PARD3: variants seen among roughly 807,000 people sequenced by gnomAD.
PARD3 encodes par-3 family cell polarity regulator, also known as partitioning defective 3 homolog.
A neutral mutation model predicts 155.4 loss-of-function variants in PARD3; 75 were observed. The ratio of observed to expected loss-of-function variants is 0.48; its 90% CI spans 0.40 to 0.58. The LOEUF is 0.58. Among genes scored for constraint, PARD3 ranks in the 20% least tolerant of loss-of-function variants. PARD3 has a pLI of 0.00. For missense variants in PARD3, 1,642 were observed against 1,721.7 expected (o/e 0.95, Z 0.82); for synonymous variants, 576 against 610.5 (o/e 0.94, Z 0.83).
At chr10:34,515,854 A>C (rs1328328156) in intron 3 of PARD3, among the ~76,000 whole-genome samples, 2 of 152,060 alleles carry the variant, frequency 1.3e-5, no homozygotes, top group Non-Finnish European at 2.9e-5. Context: ...ATTATTACCC[A>C]TCTGTTTATA....
At chr10:34,734,284 A>G (rs2045517294) in intron 1 of PARD3, among the ~76,000 whole-genome samples, 1 of 145,314 alleles carries the variant, frequency 6.9e-6, no homozygotes, top group Non-Finnish European at 1.5e-5. Flanking sequence ...CCAAATTCCC[A>G]TCATTGAAGA....
chr10:34,785,512 G>A (rs1840847365), intron 1 of PARD3, among the ~76,000 whole-genome samples: 1 of 152,076 alleles, frequency 6.6e-6, no homozygotes, highest in Non-Finnish European at 1.5e-5. Flanking sequence ...TTGGGAGGCT[G>A]AGGCAGGCAG....
At chr10:34,310,695 C>A (rs1437302508) in intron 20 of PARD3, among the ~76,000 whole-genome samples, 1 of 152,182 alleles carries the variant, frequency 6.6e-6, no homozygotes, top group Non-Finnish European at 1.5e-5. Flanking sequence ...ATATCAGCTA[C>A]CTTAGAACTT....
intron 12 of PARD3, among the ~76,000 whole-genome samples, chr10:34,369,151 T>C (rs1285588558): frequency 6.6e-6 from 1 of 152,018 alleles, no homozygotes; most frequent in African/African-American, 2.4e-5. Context: ...AATTCTTTGT[T>C]CCTCCCCTTT....
intron 19 of PARD3, among the ~76,000 whole-genome samples, chr10:34,319,629 TAC>T (rs1415246308): frequency 6.6e-6 from 1 of 152,242 alleles, no homozygotes; most frequent in African/African-American, 2.4e-5. Flanking sequence ...TTTTGTGGTG[TAC>T]ACAGAGCAGG....
chr10:34,312,498 G>A (rs1442891936), intron 20 of PARD3: 1 of 972,328 alleles, frequency 1.0e-6, no homozygotes, highest in Non-Finnish European at 1.6e-6. Context: ...ACGACATTCA[G>A]TTTTTAAAAC....
At chr10:34,617,116 A>T (rs1359934199) in intron 2 of PARD3, among the ~76,000 whole-genome samples, 1 of 151,526 alleles carries the variant, frequency 6.6e-6, no homozygotes, top group Non-Finnish European at 1.5e-5. Context: ...TTAGCCAGGC[A>T]TGGTGGCAGA....
intron 17 of PARD3, 103 bp from the exon 18 acceptor site, chr10:34,336,346 A>G (rs1836187535): frequency 2.5e-6 from 2 of 788,272 alleles, no homozygotes; most frequent in South Asian, 3.2e-5. Flanking sequence ...ATCCTCAGCT[A>G]ATATTTCATG....
intron 3 of PARD3, among the ~76,000 whole-genome samples, chr10:34,496,238 A>G (rs754131739): frequency 7.2e-5 from 11 of 152,200 alleles, no homozygotes; most frequent in Middle Eastern, 3.4e-3. Flanking sequence ...AAAAGAAACA[A>G]AAACAAAACT....
At chr10:34,640,967 C>T (rs1156932328) in intron 2 of PARD3, among the ~76,000 whole-genome samples, 2 of 152,032 alleles carry the variant, frequency 1.3e-5, no homozygotes, top group Non-Finnish European at 2.9e-5. Flanking sequence ...TTAGCATGTG[C>T]TCATCAAGAA....
At chr10:34,299,453 C>T (rs1252628714) in intron 20 of PARD3, among the ~76,000 whole-genome samples, 2 of 152,220 alleles carry the variant, frequency 1.3e-5, no homozygotes, top group Non-Finnish European at 2.9e-5. Flanking sequence ...GGCTGTCCAC[C>T]AGCTGTATGT....
At chr10:34,344,950 A>G in intron 15 of PARD3, 4 of 985,360 alleles carry the variant, frequency 4.1e-6, no homozygotes, top group Non-Finnish European at 4.8e-6. Context: ...AGTTGGCTGG[A>G]GTATGTGGTT....
rs77611841 is a variant in PARD3 at position 34,121,387 on chromosome 10, C to T, written c.3541-1647G>A. ...TTCAGTACTCGCCACCCTCAGTTCC[C>T]CCTCTGTTATGCAACGTTGTGCAAC... On this transcript the variant is annotated intron_variant, in intron 23 of 24. Coordinates refer to ENST00000374788, the MANE Select transcript of PARD3 (RefSeq NM_001184785.2). Among the ~76,000 whole-genome samples the T allele has an allele frequency of 3.3e-3, 501 of 152,314 alleles. 1 individual carries two copies. Among genetic ancestry groups the T allele is most frequent in the African/African-American group, 0.011 (472 of 41,580 alleles).
In PARD3 at chr10:34,344,119, T is replaced by C. The variant is rs562900937; in HGVS notation, c.2219-2303A>G. ...TGGATACAACAGATTTCAGTTTTGTTTTAAAAAGAAAAATTATTCAGCTAA... is the reference window on the plus strand; with the variant it reads ...TGGATACAACAGATTTCAGTTTTGTCTTAAAAAGAAAAATTATTCAGCTAA... On this transcript the variant is annotated intron_variant, in intron 15 of 24. Coordinates refer to ENST00000374788, the MANE Select transcript of PARD3 (RefSeq NM_001184785.2). The C allele has an allele frequency of 7.2e-6, 7 of 978,944 alleles. No homozygotes were observed. In the African/African-American group the frequency reaches 1.2e-4, roughly 17 times the overall value. 60.6% of individuals were successfully genotyped at this position (978,944 alleles called of 1,614,324 possible). A position where few individuals can be genotyped will look rare whatever the true frequency, so the allele number is the denominator to read the frequency against.
intron 5 of PARD3, among the ~76,000 whole-genome samples, chr10:34,435,619 G>A (rs989218775): frequency 9.2e-5 from 14 of 152,106 alleles, no homozygotes; most frequent in Admixed American, 7.2e-4. Context: ...CAGTGAACCC[G>A]AGCAATCGAG....
intron 2 of PARD3, among the ~76,000 whole-genome samples, chr10:34,695,108 T>C (rs1180416322): frequency 1.6e-4 from 24 of 152,206 alleles, no homozygotes; most frequent in Admixed American, 1.6e-3. Flanking sequence ...GGCCGCTGCC[T>C]CCATACTACC....
chr10:34,727,349 C>T (rs893362579), intron 1 of PARD3, among the ~76,000 whole-genome samples: 4 of 152,204 alleles, frequency 2.6e-5, no homozygotes, highest in Admixed American at 6.5e-5. Context: ...TTTTATGCAG[C>T]ATCTTCTCAA....
At chr10:34,451,756 T>A (rs561470889) in intron 4 of PARD3, among the ~76,000 whole-genome samples, 2 of 147,346 alleles carry the variant, frequency 1.4e-5, no homozygotes, top group Admixed American at 6.8e-5. Context: ...AGTAGCAAGA[T>A]GAAACTTTAG....
At chr10:34,280,744 A>G (rs1437893172) in intron 21 of PARD3, among the ~76,000 whole-genome samples, 1 of 152,128 alleles carries the variant, frequency 6.6e-6, no homozygotes, top group Non-Finnish European at 1.5e-5. Context: ...GTGACTCAGA[A>G]TGTTGTGGGA....
Sources: gnomAD v4.1 joint callset for allele counts (sites outside exome capture counted in the v4.1 genomes callset) on GRCh38, gnomAD v4.1.1 for gene constraint, MANE v1.5 for transcripts, NCBI Gene and HGNC (gene_info 2026-07-23, HGNC 2026-07-21) for gene names.